The following LOC128125822 variants were observed in gnomAD, a reference collection of about 807,000 sequenced individuals.
the LOC128125822 span, chr6:63,579,365 C>T: frequency 6.7e-7 from 1 of 1,487,820 alleles, no homozygotes; most frequent in Non-Finnish European, 9.2e-7. Context: ...TTTGTACTCT[C>T]TTTCATTTCC....
At chr6:63,574,951 G>C in the LOC128125822 span, among the ~76,000 whole-genome samples, 1 of 152,156 alleles carries the variant, frequency 6.6e-6, no homozygotes, top group Non-Finnish European at 1.5e-5. Context: ...GGGCTTGTTT[G>C]AACAAACTTG....
chr6:63,579,457 A>T, the LOC128125822 span: 2 of 619,390 alleles, frequency 3.2e-6, no homozygotes, highest in East Asian at 6.7e-5. Flanking sequence ...TAAAACCAGG[A>T]AATCAAGATC....
At chr6:63,580,387 G>A in the LOC128125822 span, 1 of 488,124 alleles carries the variant, frequency 2.0e-6, no homozygotes, top group African/African-American at 1.9e-5. Context: ...GATTCTTGCT[G>A]TCAGCATATA....
At chr6:63,577,650 G>A in the LOC128125822 span, among the ~76,000 whole-genome samples, 1 of 151,872 alleles carries the variant, frequency 6.6e-6, no homozygotes, top group African/African-American at 2.4e-5. Flanking sequence ...TCTGCCTCCC[G>A]GGTTCAAGCA....
chr6:63,579,387 C>T, the LOC128125822 span: 3 of 1,376,648 alleles, frequency 2.2e-6, no homozygotes, highest in South Asian at 2.5e-5. Context: ...TGTTGAGTGT[C>T]AGTGAGTTTA....
chr6:63,576,310 C>T, the LOC128125822 span: 4 of 386,848 alleles, frequency 1.0e-5, no homozygotes, highest in East Asian at 7.3e-5. Context: ...AAGTAAAAGT[C>T]GATGAAGCGG....
chr6:63,572,715 T>C, the LOC128125822 span: 6 of 398,482 alleles, frequency 1.5e-5, no homozygotes, highest in Non-Finnish European at 2.2e-5. Context: ...AGTAAACATA[T>C]TCCTGTGAGT....
At chr6:63,579,971 A>G in the LOC128125822 span, 11 of 949,754 alleles carry the variant, frequency 1.2e-5, no homozygotes, top group African/African-American at 1.7e-4. Flanking sequence ...AATTGCCACA[A>G]GAGAGGTGAT....
the LOC128125822 span, among the ~76,000 whole-genome samples, chr6:63,577,924 G>A: frequency 8.7e-3 from 1,314 of 150,570 alleles, 13 homozygotes; most frequent in African/African-American, 0.03. Context: ...TAGTAATAAT[G>A]CATTTTGAAG....
chr6:63,574,419 TGGA>T, the LOC128125822 span, among the ~76,000 whole-genome samples: 1 of 152,152 alleles, frequency 6.6e-6, no homozygotes, highest in African/African-American at 2.4e-5. Flanking sequence ...AGATTGGGAA[TGGA>T]GGAGTGTCTT....
chr6:63,579,810 C>T, the LOC128125822 span, among the ~76,000 whole-genome samples: 1 of 152,138 alleles, frequency 6.6e-6, no homozygotes, highest in South Asian at 2.1e-4. Flanking sequence ...CGTGGACTTA[C>T]GTGTAAATGG....
At chr6:63,575,782 TCA>T in the LOC128125822 span, among the ~76,000 whole-genome samples, 1 of 152,156 alleles carries the variant, frequency 6.6e-6, no homozygotes, top group Admixed American at 6.5e-5. Context: ...TTTCAGAGAC[TCA>T]TTTTCCTCGT....
the LOC128125822 span, chr6:63,576,850 A>G: frequency 6.5e-7 from 1 of 1,549,990 alleles, no homozygotes; most frequent in South Asian, 1.1e-5. Context: ...TTATTTCATA[A>G]CCCTATTGAG....
At chr6:63,572,832 C>T in the LOC128125822 span, 2 of 395,246 alleles carry the variant, frequency 5.1e-6, no homozygotes, top group Admixed American at 4.4e-5. Context: ...CCCCGGGTTG[C>T]GGTTCCGGTG....
the LOC128125822 span, chr6:63,580,325 T>G: frequency 3.1e-6 from 2 of 640,970 alleles, no homozygotes; most frequent in African/African-American, 1.8e-5. Flanking sequence ...TAGACAGATT[T>G]GGCAACCTCT....
chr6:63,578,765 C>A, the LOC128125822 span: 1 of 1,135,562 alleles, frequency 8.8e-7, no homozygotes, highest in Non-Finnish European at 1.2e-6. Context: ...TGGTAGACAA[C>A]AGGGTTTAAT....
the LOC128125822 span, among the ~76,000 whole-genome samples, chr6:63,578,144 T>TTCATG: frequency 6.6e-6 from 1 of 152,166 alleles, no homozygotes; most frequent in South Asian, 2.1e-4. Flanking sequence ...TTACCATGAC[T>TTCATG]GTAAACAACT....
the LOC128125822 span, chr6:63,581,925 A>C: frequency 2.0e-5 from 3 of 152,312 alleles, no homozygotes; most frequent in East Asian, 5.8e-4. Flanking sequence ...ACGTTAATCT[A>C]AATCTAGATG....
chr6:63,575,587 A>G, the LOC128125822 span, among the ~76,000 whole-genome samples: 2 of 152,156 alleles, frequency 1.3e-5, no homozygotes, highest in African/African-American at 4.8e-5. Context: ...CACCTTCAAC[A>G]TCCCTTTGTC....
Sources: allele counts gnomAD v4.1 joint callset (sites outside exome capture counted in the v4.1 genomes callset), GRCh38; gene constraint gnomAD v4.1.1; transcripts MANE v1.5.